EVPLL: variants seen among roughly 807,000 people sequenced by gnomAD.
EVPLL encodes envoplakin-like protein.
Under a neutral mutation model 46.2 loss-of-function variants are expected in EVPLL, and 39 were observed. The observed-to-expected ratio is 0.84, with a 90% CI of 0.65 to 1.10. EVPLL has a LOEUF of 1.10. EVPLL is among the 50% of genes least tolerant of loss of function. The pLI, the probability that EVPLL is intolerant of heterozygous loss-of-function variation, is 0.00. For synonymous variants in EVPLL, 156 were observed against 165.8 expected (o/e 0.94, Z 0.46); for missense variants, 385 against 412.6 (o/e 0.93, Z 0.58).
chr17:18,387,420 T>C (rs571575211), intron 9 of EVPLL, among the ~76,000 whole-genome samples: 3,259 of 123,664 alleles, frequency 0.026, 12 homozygotes, highest in African/African-American at 0.056. Context: ...ATGGCCTCCC[T>C]GGTGCCACCT....
intron 7 of EVPLL, 24 bp downstream of exon 7, chr17:18,383,209 A>G (rs1431822075): frequency 2.6e-6 from 4 of 1,545,970 alleles, no homozygotes; most frequent in Non-Finnish European, 3.5e-6. Context: ...GGTTGGGGCC[A>G]GGCGGGGGCG....
At chr17:18,384,085 C>T (rs933943987) in intron 9 of EVPLL, among the ~76,000 whole-genome samples, 6 of 152,190 alleles carry the variant, frequency 3.9e-5, no homozygotes, top group Non-Finnish European at 2.9e-5. Context: ...AAAATTCGTT[C>T]TTAATGGCAG....
At chr17:18,380,730 C>G in intron 1 of EVPLL, 172 bp from the exon 2 acceptor site, 1 of 613,210 alleles carries the variant, frequency 1.6e-6, no homozygotes, top group South Asian at 2.0e-5. Flanking sequence ...TGCTAACACC[C>G]CCAACCAGGT....
In EVPLL at chr17:18,380,962, G is replaced by T; in HGVS notation, c.25G>T (p.Glu9Ter). The change falls in exon 2 of 11, where the codon GAG becomes TAG. Residue 9 changes from glutamate to a stop codon, truncating the protein, a stop_gained. Transcript: ENST00000399134. LOFTEE classifies it high-confidence loss of function. The part of the protein sequence containing the change: MQASADQV[E>*]RDILETQKRL... ...CATGCAAGCCAGCGCCGACCAGGTG[G>T]AGCGGGACATCCTGGAGACGCAGAA... 1 of 1,597,382 alleles carries T rather than the reference G, an allele frequency of 6.3e-7. No individual in the cohort carries two copies. The highest frequency in any genetic ancestry group is 8.5e-7 in the Non-Finnish European group (1 of 1,172,598).
rs1987878020 is a variant in EVPLL, at chr17:18,389,455, A to C, written c.*639A>C. ...ATTTGCCCCTGATTTGCTCCCTGGT[A>C]CGGGCTCTTCTTAACAGGCAGGCAA... On this transcript the variant is annotated 3_prime_UTR_variant, in exon 11 of 11. Coordinates refer to ENST00000399134, the MANE Select transcript of EVPLL (RefSeq NM_001145127.2). 1 of 96,104 alleles carries C rather than the reference A, an allele frequency of 1.0e-5. No individual in the cohort carries two copies. The highest frequency in any genetic ancestry group is 1.0e-4 in the Admixed American group (1 of 10,018). 6.0% of individuals were successfully genotyped at this position (96,104 alleles called of 1,614,324 possible). A position where few individuals can be genotyped will look rare whatever the true frequency, so the allele number is the denominator to read the frequency against.
intron 8 of EVPLL, 34 bp downstream of exon 8, chr17:18,383,412 C>T: frequency 5.7e-6 from 2 of 352,406 alleles, no homozygotes; most frequent in Non-Finnish European, 1.1e-5. Flanking sequence ...TGAGAAGGGA[C>T]GTGGTGGGCG....
intron 1 of EVPLL, among the ~76,000 whole-genome samples, chr17:18,379,271 GGT>G (rs1183833413): frequency 6.6e-6 from 1 of 152,210 alleles, no homozygotes; most frequent in Non-Finnish European, 1.5e-5. Context: ...CTGGGTCCAG[GGT>G]GTCGAGATAA....
chr17:18,383,360 C>T lies in EVPLL; in HGVS notation c.762C>T (p.Pro254=), dbSNP rs764011217. ...AGCGCATGGTGGAGCTGCGGCACCC[C>T]GCGGTGGGGCCCATCCAGGTGCGCT... ...DGKRMVELRH[P]AVGPIQAHQE... The change falls in exon 8 of 11, where the codon CCC becomes CCT. Residue 254 remains proline (P), a synonymous_variant. Coordinates refer to ENST00000399134, the MANE Select transcript of EVPLL (RefSeq NM_001145127.2). 2.8e-6 allele frequency: 4 copies of T among 1,432,770 alleles called. No homozygotes were observed. The highest frequency in any genetic ancestry group is 2.3e-5 in the South Asian group (2 of 86,614). The allele number at this position is 1,432,770 out of a possible 1,614,324, so 88.8% of individuals were successfully genotyped here.
Position 18,382,621 on chromosome 17 carries a change from C to A in EVPLL, c.455C>A (p.Ala152Glu), listed in dbSNP as rs993235438. ...EGDQRPRRAA[A>E]EPGGAGCRHH... ...GATCAACGACCAAGGAGAGCAGCTG[C>A]GGAGCCTGGTGGGGCCGGTGGGTGA... The change falls in exon 5 of 11, where the codon GCG (alanine) becomes GAG (glutamate). Residue 152 changes from alanine to glutamate, a missense_variant. Physicochemically the swap from Ala to Glu is moderately radical, Grantham distance 107 (BLOSUM62 -1). Transcript: ENST00000399134. 6.4e-7 allele frequency: 1 copy of A among 1,551,836 alleles called. No homozygotes were observed. Among genetic ancestry groups the A allele is most frequent in the African/African-American group, 1.4e-5 (1 of 73,054 alleles).
In EVPLL at chr17:18,381,120, T is replaced by G. The variant is rs994643088; in HGVS notation, c.63+120T>G. 9 of 1,306,586 alleles carry G rather than the reference T, an allele frequency of 6.9e-6. No homozygotes were observed. Among genetic ancestry groups the G allele is most frequent in the Non-Finnish European group, 9.6e-6 (9 of 936,270 alleles). The allele number at this position is 1,306,586 out of a possible 1,614,324, so 80.9% of individuals were successfully genotyped here. ...ATGGTGAAGATGGGACAGATGACATTTGTCCTGCACCGCCTGTCCCCTAAC... is the reference window on the plus strand; with the variant it reads ...ATGGTGAAGATGGGACAGATGACATGTGTCCTGCACCGCCTGTCCCCTAAC... On this transcript the variant is annotated intron_variant, in intron 2 of 10. Transcript: ENST00000399134. This position sits in a 1 kb window ranked among gnomAD's most constrained non-coding sequence, Gnocchi z 4.2.
At position 18,381,974 on chromosome 17, in the gene EVPLL, TC is replaced by T; in HGVS notation, c.346+246del. The T allele has an allele frequency of 1.7e-6, 1 of 571,564 alleles. No individual in the cohort carries two copies. Among genetic ancestry groups the T allele is most frequent in the Non-Finnish European group, 3.0e-6 (1 of 332,254 alleles). 35.4% of individuals were successfully genotyped at this position (571,564 alleles called of 1,614,324 possible). On this transcript the variant is annotated intron_variant, in intron 4 of 10. Coordinates refer to ENST00000399134, the MANE Select transcript of EVPLL (RefSeq NM_001145127.2). The surrounding 1 kb of genome is among the most constrained non-coding windows in gnomAD (Gnocchi z 4.2). Reference sequence around the variant, plus strand: ...GGTGAAGTAGTGAGGAGAGGACAATTCCAGAAAGAAGGAGCAAAGGCACCTG... The same window carrying T: ...GGTGAAGTAGTGAGGAGAGGACAATTCAGAAAGAAGGAGCAAAGGCACCTG...
intron 1 of EVPLL, among the ~76,000 whole-genome samples, chr17:18,378,628 TAGG>T (rs1987460200): frequency 6.6e-6 from 1 of 151,394 alleles, no homozygotes; most frequent in African/African-American, 2.4e-5. Context: ...CTGGGCAACA[TAGG>T]GAGATCTTGT....
rs761170366 is a variant in EVPLL, at chr17:18,383,104, G to A, written c.591G>A (p.Leu197=). Residue 197 remains leucine, a synonymous_variant, in exon 7 of 11, where the codon CTG becomes CTA. Transcript: ENST00000399134. ...LQGCTWQLSA[L]AEQQRRILQQ... ...GCTGCACGTGGCAGCTGAGCGCCCT[G>A]GCGGAGCAGCAGCGCCGCATCCTGC... is the stretch of plus-strand genomic sequence containing the variant. 1 of 1,550,526 alleles carries A rather than the reference G, an allele frequency of 6.4e-7. No homozygotes were observed. Among genetic ancestry groups the A allele is most frequent in the Admixed American group, 1.9e-5 (1 of 52,924 alleles).
chr17:18,387,036 A>G (rs968105706), intron 9 of EVPLL, among the ~76,000 whole-genome samples: 1 of 149,998 alleles, frequency 6.7e-6, no homozygotes, highest in Non-Finnish European at 1.5e-5. Flanking sequence ...CTGGGACTAC[A>G]GGTGCCCGCC....
rs1255514253 is a variant in EVPLL at position 18,381,882 on chromosome 17, G to A, written c.346+152G>A. The A allele has an allele frequency of 7.9e-7, 1 of 1,267,194 alleles. No individual in the cohort carries two copies. The highest frequency in any genetic ancestry group is 1.1e-6 in the Non-Finnish European group (1 of 915,216). 78.5% of individuals were successfully genotyped at this position (1,267,194 alleles called of 1,614,324 possible). A position where few individuals can be genotyped will look rare whatever the true frequency, so the allele number is the denominator to read the frequency against. The stretch of plus-strand genomic sequence containing the variant: ...CAGCAGAGGAGACAGTGCAGTCAGG[G>A]AAGACTTCCTGTAGGAGGAGGCACA... On this transcript the variant is annotated intron_variant, in intron 4 of 10. Transcript: ENST00000399134. The surrounding 1 kb of genome is among the most constrained non-coding windows in gnomAD (Gnocchi z 4.2).
At chr17:18,380,790 T>A in intron 1 of EVPLL, 112 bp from the exon 2 acceptor site, 1 of 883,198 alleles carries the variant, frequency 1.1e-6, no homozygotes. Context: ...CAGGGCAGTG[T>A]GCTAGGCTGT....
chr17:18,385,406 A>G (rs1253673288), intron 9 of EVPLL, among the ~76,000 whole-genome samples: 1 of 102,956 alleles, frequency 9.7e-6, no homozygotes, highest in Non-Finnish European at 2.1e-5. Flanking sequence ...GTAGCCGGGT[A>G]CCCACTGGGG....
chr17:18,382,672 C>T, intron 5 of EVPLL, 34 bp downstream of exon 5: 1 of 1,552,128 alleles, frequency 6.4e-7, no homozygotes, highest in Non-Finnish European at 8.7e-7. Flanking sequence ...CATCCGGGGC[C>T]AGCCCCAGCC....
chr17:18,387,219 C>G (rs1987796882), intron 9 of EVPLL, among the ~76,000 whole-genome samples: 2 of 151,388 alleles, frequency 1.3e-5, no homozygotes. Context: ...TTTAATTGAT[C>G]TTTTGTATAA....
Sources: allele counts gnomAD v4.1 joint callset (sites outside exome capture counted in the v4.1 genomes callset), GRCh38; gene constraint gnomAD v4.1.1; non-coding constraint Gnocchi (gnomAD v3.1); transcripts MANE v1.5; gene names NCBI Gene and HGNC (gene_info 2026-07-23, HGNC 2026-07-21).